Variants in CAPN13 observed in about 807,000 individuals in gnomAD.
The protein encoded by CAPN13 is calpain-13.
CAPN13 carries 90 observed loss-of-function variants against 98.4 expected under a neutral mutation model. The ratio of observed to expected loss-of-function variants is 0.92; its 90% CI spans 0.77 to 1.09. The LOEUF (loss-of-function observed/expected upper bound fraction) is 1.09. Ranked by LOEUF, CAPN13 falls within the 50% of genes least tolerant of loss-of-function variation. The pLI, the probability that CAPN13 is intolerant of heterozygous loss-of-function variation, is 0.00. For missense variants in CAPN13, 887 were observed against 841.3 expected, an observed-to-expected ratio of 1.05 and a Z score of -0.67; for synonymous variants, 330 against 305.5, an observed-to-expected ratio of 1.08 and a Z score of -0.84.
At chr2:30,730,932 G>A in intron 21 of CAPN13, 146 bp from the exon 22 acceptor site, 1 of 665,340 alleles carries the variant, frequency 1.5e-6, no homozygotes, top group South Asian at 1.7e-5. Flanking sequence ...CAGGGTACGG[G>A]GCGGGGTTGT....
chr2:30,802,478 T>G (rs1191675462), intron 1 of CAPN13, among the ~76,000 whole-genome samples: 1 of 144,818 alleles, frequency 6.9e-6, no homozygotes, highest in East Asian at 2.2e-4. Flanking sequence ...TGTGTGTGTG[T>G]GTGTGTGTGT....
At position 30,738,438 on chromosome 2, in the gene CAPN13, G is replaced by C; in HGVS notation, c.1556C>G (p.Thr519Ser). 6.2e-7 allele frequency: 1 copy of C among 1,606,158 alleles called. No homozygotes were observed. The highest frequency in any genetic ancestry group is 8.5e-7 in the Non-Finnish European group (1 of 1,176,100). ...CTGGTTGAGAAGGCCCTGAAGCTGG[G>C]TGGCATCAATGTCCAGCCTCTGATC... is the stretch of plus-strand genomic sequence containing the variant. ...YAQQRLDIDA[T>S]QLQGLLNQEL... The change falls in exon 16 of 23, where the codon ACC becomes AGC. Residue 519 changes from threonine (T) to serine (S), a missense_variant. Coordinates refer to ENST00000295055, the MANE Select transcript of CAPN13 (RefSeq NM_144575.3).
In CAPN13 at chr2:30,732,329, T is replaced by C. The variant is rs1572780716; in HGVS notation, c.1927+109A>G. On this transcript the variant is annotated intron_variant, in intron 20 of 22. Coordinates refer to ENST00000295055, the MANE Select transcript of CAPN13 (RefSeq NM_144575.3). ...CCTCACACAGGCTGCTGGCCCACCCTGCTGCTGAGGCCTCACGCAGACCTG... is the reference window on the plus strand; with the variant it reads ...CCTCACACAGGCTGCTGGCCCACCCCGCTGCTGAGGCCTCACGCAGACCTG... The C allele has an allele frequency of 4.2e-6, 6 of 1,419,628 alleles. No homozygotes were observed. The African/African-American group carries it at 7.0e-5, about 17-fold the overall frequency. 87.9% of individuals were successfully genotyped at this position (1,419,628 alleles called of 1,614,324 possible). A position where few individuals can be genotyped will look rare whatever the true frequency, so the allele number is the denominator to read the frequency against.
chr2:30,759,048 TTCCTTCCCTCCCTCCC>T (rs1672660828), intron 7 of CAPN13, among the ~76,000 whole-genome samples: 1 of 18,998 alleles, frequency 5.3e-5, no homozygotes, highest in African/African-American at 3.8e-4. Flanking sequence ...CCCTCCTTCC[TTCCTTCCCTCCCTCCC>T]TCCCTCCTCC....
intron 3 of CAPN13, 120 bp downstream of exon 3, chr2:30,777,447 C>T (rs1673759661): frequency 3.6e-6 from 3 of 843,772 alleles, no homozygotes; most frequent in East Asian, 5.3e-5. Context: ...AGCAGTTTGT[C>T]CACGGCAGCA....
intron 1 of CAPN13, among the ~76,000 whole-genome samples, chr2:30,796,174 A>G (rs531251213): frequency 4.2e-5 from 6 of 143,336 alleles, no homozygotes; most frequent in East Asian, 2.0e-4. Flanking sequence ...ATATGTGTGT[A>G]TATATATATA....
At chr2:30,799,742 T>C (rs1161471655) in intron 1 of CAPN13, among the ~76,000 whole-genome samples, 2 of 151,636 alleles carry the variant, frequency 1.3e-5, no homozygotes, top group African/African-American at 4.9e-5. Flanking sequence ...GGCCATGAAA[T>C]GAAATGAAGG....
intron 15 of CAPN13, among the ~76,000 whole-genome samples, chr2:30,740,129 C>G (rs1212635591): frequency 7.9e-6 from 1 of 126,592 alleles, no homozygotes; most frequent in East Asian, 2.5e-4. Flanking sequence ...GAGTCTTGCT[C>G]TGTCATCCAG....
At chr2:30,770,236 A>G (rs1673329318) in intron 5 of CAPN13, 77 bp downstream of exon 5, 5 of 1,568,342 alleles carry the variant, frequency 3.2e-6, no homozygotes, top group African/African-American at 1.4e-5. Flanking sequence ...CAATGCTCCA[A>G]CAGGGACTGT....
intron 1 of CAPN13, among the ~76,000 whole-genome samples, chr2:30,802,463 A>ATATG (rs142041421): frequency 7.1e-6 from 1 of 140,108 alleles, no homozygotes; most frequent in African/African-American, 2.7e-5. Context: ...GTGTGTGTGT[A>ATATG]TGTGTGTGTG....
At chr2:30,772,222 G>A (rs1327555614) in intron 4 of CAPN13, among the ~76,000 whole-genome samples, 5 of 152,206 alleles carry the variant, frequency 3.3e-5, no homozygotes, top group Non-Finnish European at 5.9e-5. Flanking sequence ...GGTGGGGAGG[G>A]CTGGCATTTG....
rs13013326 is a variant in CAPN13, at chr2:30,751,635, G to A, written c.1088-384C>T. ...AGCACAACTAGAGACAGGAAAACAG[G>A]CAGTGAGATGGCAATTACAGTACTC... On this transcript the variant is annotated intron_variant, in intron 10 of 22. Coordinates refer to ENST00000295055, the MANE Select transcript of CAPN13 (RefSeq NM_144575.3). Among the ~76,000 whole-genome samples the A allele has an allele frequency of 4.4e-3, 667 of 152,298 alleles. 6 individuals are homozygous for A. Among genetic ancestry groups the A allele is most frequent in the African/African-American group, 0.015 (621 of 41,552 alleles).
chr2:30,757,013 T>C (rs980646743), intron 8 of CAPN13, among the ~76,000 whole-genome samples: 7 of 152,218 alleles, frequency 4.6e-5, no homozygotes, highest in African/African-American at 1.7e-4. Flanking sequence ...GGCCTAGAAC[T>C]GGCTGGCTCT....
chr2:30,789,399 C>A (rs1674492115), intron 1 of CAPN13, among the ~76,000 whole-genome samples: 1 of 152,144 alleles, frequency 6.6e-6, no homozygotes. Flanking sequence ...TTTATGAAAA[C>A]CAAATTGTAG....
At chr2:30,729,484 G>C (rs1670984051) in intron 22 of CAPN13, 1 of 152,226 alleles carries the variant, frequency 6.6e-6, no homozygotes, top group South Asian at 2.1e-4. Context: ...TAGGCCCTGT[G>C]TATCAAATTA....
chr2:30,777,350 G>C lies in CAPN13; in HGVS notation c.271+217C>G, dbSNP rs115361495. Among the ~76,000 whole-genome samples the C allele has an allele frequency of 3.9e-5, 6 of 152,326 alleles. No individual in the cohort carries two copies. In the East Asian group the frequency reaches 1.2e-3, roughly 29 times the overall value. Reference sequence around the variant, plus strand: ...GTTGCACACACAAGGTATCTTGCACGGTCATTGCAGAAACTCAGTGTATGT... The same window carrying C: ...GTTGCACACACAAGGTATCTTGCACCGTCATTGCAGAAACTCAGTGTATGT... On this transcript the variant is annotated intron_variant, in intron 3 of 22. Coordinates refer to ENST00000295055, the MANE Select transcript of CAPN13 (RefSeq NM_144575.3).
chr2:30,732,295 C>T (rs984222501), intron 20 of CAPN13, 143 bp downstream of exon 20: 24 of 939,758 alleles, frequency 2.6e-5, no homozygotes, highest in Non-Finnish European at 3.3e-5. Context: ...TCTACAGCCT[C>T]GGTTGGCACC....
At position 30,731,352 on chromosome 2, in the gene CAPN13, C is replaced by T. The variant is rs1394634458; in HGVS notation, c.1975G>A (p.Glu659Lys). 1.2e-6 allele frequency: 2 copies of T among 1,610,366 alleles called. No homozygotes were observed. The highest frequency in any genetic ancestry group is 1.7e-6 in the Non-Finnish European group (2 of 1,178,220). The stretch of plus-strand genomic sequence containing the variant: ...AGGGGAAGGTACCTCACCTCCATTT[C>T]TGTCAGGTAGAGTCCTTTTCCATCC... ...SKDGKGLYLT[E>K]MEWMSLVMYN The change falls in exon 21 of 23, where the codon GAA becomes AAA. Residue 659 changes from glutamate (E) to lysine (K), a missense_variant. By Grantham distance (56) the Glu-to-Lys change is moderately conservative. Coordinates refer to ENST00000295055, the MANE Select transcript of CAPN13 (RefSeq NM_144575.3).
intron 5 of CAPN13, among the ~76,000 whole-genome samples, chr2:30,766,227 G>A (rs1037258998): frequency 3.3e-5 from 5 of 152,178 alleles, no homozygotes; most frequent in Non-Finnish European, 7.3e-5. Flanking sequence ...CAGAAAAGCC[G>A]CGGTGGGGCC....
Sources: gnomAD v4.1 joint callset for allele counts (sites outside exome capture counted in the v4.1 genomes callset) on GRCh38, gnomAD v4.1.1 for gene constraint, MANE v1.5 for transcripts, NCBI Gene and HGNC (gene_info 2026-07-23, HGNC 2026-07-21) for gene names.